Variants in NCOA7 observed in about 807,000 individuals in gnomAD.
NCOA7 encodes 140 kDa estrogen receptor-associated protein.
A neutral mutation model predicts 104.3 loss-of-function variants in NCOA7; 45 were observed. That is an observed-to-expected ratio of 0.43 (90% CI 0.34 to 0.55). The LOEUF is 0.55. Ranked by LOEUF, NCOA7 falls within the 20% of genes least tolerant of loss-of-function variation. NCOA7 has a pLI of 0.02. For synonymous variants in NCOA7, 398 were observed against 402.3 expected (o/e 0.99, Z 0.13); for missense variants, 1,041 against 1,119.7 (o/e 0.93, Z 1.00).
At chr6:125,847,830 T>C (rs545634342) in intron 2 of NCOA7, among the ~76,000 whole-genome samples, 1 of 152,314 alleles carries the variant, frequency 6.6e-6, no homozygotes, top group Admixed American at 6.5e-5. Context: ...AAAGAGCTTC[T>C]GCACAGCAAA....
intron 1 of NCOA7, among the ~76,000 whole-genome samples, chr6:125,785,605 T>C: frequency 6.6e-6 from 1 of 152,190 alleles, no homozygotes; most frequent in East Asian, 1.9e-4. Context: ...TTTTTAGGGA[T>C]TCATTTCAAA....
At chr6:125,823,434 A>G (rs950761333) in intron 2 of NCOA7, among the ~76,000 whole-genome samples, 2 of 152,230 alleles carry the variant, frequency 1.3e-5, no homozygotes, top group African/African-American at 2.4e-5. Context: ...TCTATGAAAA[A>G]GCTGCTAGTA....
Position 125,813,474 on chromosome 6 carries a change from G to A in NCOA7, c.-64-1817G>A, listed in dbSNP as rs1183706186. Among the ~76,000 whole-genome samples, 7 of 147,074 alleles carry A rather than the reference G, an allele frequency of 4.8e-5. No homozygotes were observed. In the South Asian group the frequency reaches 1.5e-3, roughly 31 times the overall value. On this transcript the variant is annotated intron_variant, in intron 1 of 15. Transcript: ENST00000392477. ...ATTTTTTTTTTTTTTTTTTTTAGAC[G>A]GAGTTTTGCTCTTGTTGCCCAGGCT...
intron 12 of NCOA7, 126 bp from the exon 13 acceptor site, chr6:125,922,556 A>G: frequency 2.7e-6 from 3 of 1,104,080 alleles, no homozygotes; most frequent in Non-Finnish European, 3.8e-6. Flanking sequence ...ATTTGCCAGA[A>G]TAAGGAGGGG....
rs555610709 is a variant in NCOA7 at position 125,824,967 on chromosome 6, C to T, written c.50+9563C>T. Among the ~76,000 whole-genome samples the T allele has an allele frequency of 3.9e-5, 6 of 152,114 alleles. No individual in the cohort carries two copies. In the East Asian group the frequency reaches 9.7e-4, roughly 25 times the overall value. On this transcript the variant is annotated intron_variant, in intron 2 of 15. Transcript: ENST00000392477. ...AGGAGATTCGCTTGAACCCAGGAGG[C>T]GGACATTGCAGGGAGTCGAGATCAA...
At chr6:125,894,266 C>G (rs1028599993) in intron 10 of NCOA7, among the ~76,000 whole-genome samples, 2 of 152,130 alleles carry the variant, frequency 1.3e-5, no homozygotes, top group Non-Finnish European at 2.9e-5. Flanking sequence ...CAAAGTATCT[C>G]CAGACATTGC....
At chr6:125,812,339 T>A (rs1777103630) in intron 1 of NCOA7, among the ~76,000 whole-genome samples, 1 of 152,210 alleles carries the variant, frequency 6.6e-6, no homozygotes, top group African/African-American at 2.4e-5. Flanking sequence ...TCACATCTTT[T>A]GGATTCTTAC....
At chr6:125,810,181 G>A (rs1392138421) in intron 1 of NCOA7, 1 of 152,062 alleles carries the variant, frequency 6.6e-6, no homozygotes, top group African/African-American at 2.4e-5. Flanking sequence ...GGGACAGGGA[G>A]GTCATTGAGG....
Position 125,893,263 on chromosome 6 carries a change from C to T in NCOA7, c.2096+2453C>T, listed in dbSNP as rs6921415. On this transcript the variant is annotated intron_variant, in intron 10 of 15. Coordinates refer to ENST00000392477, the MANE Select transcript of NCOA7 (RefSeq NM_181782.5). ...CCCTAGGAGTGGCTCCCTTCCCCTT[C>T]GTGGGTTACAGTGTCCTTTTCATAG... Among the ~76,000 whole-genome samples, 681 of 152,272 alleles carry T rather than the reference C, an allele frequency of 4.5e-3. 5 individuals carry two copies. The highest frequency in any genetic ancestry group is 0.016 in the African/African-American group (648 of 41,546).
intron 10 of NCOA7, among the ~76,000 whole-genome samples, chr6:125,898,730 G>T (rs1484553398): frequency 6.6e-6 from 1 of 152,006 alleles, no homozygotes; most frequent in Non-Finnish European, 1.5e-5. Context: ...AAAGTGCTAG[G>T]ATTACAGGTA....
chr6:125,881,108 G>C lies in NCOA7; in HGVS notation c.478G>C (p.Ala160Pro). The C allele has an allele frequency of 6.2e-7, 1 of 1,613,860 alleles. No homozygotes were observed. ...TTCTCAGGTCCTTTTTGTGCCAGAT[G>C]CCAACTCTCCTTCCAGTACCTTAAG... Reference protein sequence around the residue: ...VPGQVLFVPDANSPSSTLRLS... With the variant: ...VPGQVLFVPDPNSPSSTLRLS... Residue 160 changes from alanine to proline, a missense_variant, in exon 6 of 16, where the codon GCC becomes CCC. Transcript: ENST00000392477.
chr6:125,896,215 T>C (rs1437655767), intron 10 of NCOA7, among the ~76,000 whole-genome samples: 1 of 151,958 alleles, frequency 6.6e-6, no homozygotes, highest in Non-Finnish European at 1.5e-5. Context: ...GGGAGTCTTA[T>C]GAAATCCAAG....
chr6:125,915,575 G>T lies in NCOA7; in HGVS notation c.2244+95G>T. The stretch of plus-strand genomic sequence containing the variant: ...CATGTAACAGGCTGGTAAGAAACTA[G>T]AGTCCCTGTGCACCTATGAAATTAC... On this transcript the variant is annotated intron_variant, in intron 11 of 15. Coordinates refer to ENST00000392477, the MANE Select transcript of NCOA7 (RefSeq NM_181782.5). The T allele has an allele frequency of 3.4e-6, 5 of 1,457,526 alleles. No individual in the cohort carries two copies. In the South Asian group the frequency reaches 5.9e-5, roughly 17 times the overall value. The allele number at this position is 1,457,526 out of a possible 1,614,324, so 90.3% of individuals were successfully genotyped here.
intron 1 of NCOA7, 27 bp downstream of exon 1, chr6:125,791,094 TCGCCGCCGCC>T (rs1774802381): frequency 6.5e-6 from 1 of 153,014 alleles, no homozygotes; most frequent in Non-Finnish European, 1.5e-5. Flanking sequence ...GGCCCAGCCC[TCGCCGCCGCC>T]CGCCGCTGAT....
intron 1 of NCOA7, chr6:125,781,496 A>C (rs1219716417): frequency 1.3e-5 from 2 of 152,186 alleles, no homozygotes; most frequent in African/African-American, 4.8e-5. Context: ...AGGGGTTATT[A>C]AGATAATAAG....
At chr6:125,885,106 T>G in intron 7 of NCOA7, 53 bp from the exon 8 acceptor site, 1 of 1,588,958 alleles carries the variant, frequency 6.3e-7, no homozygotes, top group Non-Finnish European at 8.6e-7. Context: ...CTGTGGTAGT[T>G]GCTGAAAGCA....
At chr6:125,839,571 G>C (rs898826639) in intron 2 of NCOA7, among the ~76,000 whole-genome samples, 1 of 151,946 alleles carries the variant, frequency 6.6e-6, no homozygotes, top group Non-Finnish European at 1.5e-5. Flanking sequence ...CCCTCCCTCC[G>C]CAGCTTTGAG....
chr6:125,871,834 A>G (rs1391925799), intron 3 of NCOA7, among the ~76,000 whole-genome samples: 2 of 152,016 alleles, frequency 1.3e-5, no homozygotes, highest in East Asian at 1.9e-4. Flanking sequence ...TGTCTCTACA[A>G]AAAAATGCAA....
chr6:125,859,483 A>G (rs1459777793), intron 3 of NCOA7, among the ~76,000 whole-genome samples: 1 of 152,200 alleles, frequency 6.6e-6, no homozygotes, highest in Non-Finnish European at 1.5e-5. Context: ...ACAAGTAATA[A>G]TGAATGTATC....
Sources: gnomAD v4.1 joint callset for allele counts (sites outside exome capture counted in the v4.1 genomes callset) on GRCh38, gnomAD v4.1.1 for gene constraint, MANE v1.5 for transcripts, NCBI Gene and HGNC (gene_info 2026-07-23, HGNC 2026-07-21) for gene names.